Variants in PRR5 observed in about 807,000 individuals in gnomAD.
PRR5 encodes proline-rich protein 5.
A neutral mutation model predicts 30.6 loss-of-function variants in PRR5; 25 were observed. That is an observed-to-expected ratio of 0.82 (90% CI 0.60 to 1.14). PRR5 has a LOEUF of 1.14. Among genes scored for constraint, PRR5 ranks in the 50% most tolerant of loss-of-function variants. PRR5 has a pLI of 0.00. For synonymous variants in PRR5, 286 were observed against 247.1 expected (o/e 1.16, Z -1.48); for missense variants, 600 against 547.1 (o/e 1.10, Z -0.96).
At chr22:44,669,846 C>T (rs916296368) in intron 1 of PRR5, among the ~76,000 whole-genome samples, 19 of 152,084 alleles carry the variant, frequency 1.2e-4, no homozygotes, top group Admixed American at 3.9e-4. Flanking sequence ...GAGTCCCATT[C>T]CCTGGACTGG....
At chr22:44,719,948 C>T (rs1352111808) in intron 2 of PRR5, among the ~76,000 whole-genome samples, 1 of 152,216 alleles carries the variant, frequency 6.6e-6, no homozygotes, top group African/African-American at 2.4e-5. Context: ...TCTCTTGAGG[C>T]TGACATCCCA....
At chr22:44,736,560 G>T (rs1409173882) in intron 7 of PRR5, among the ~76,000 whole-genome samples, 2 of 152,232 alleles carry the variant, frequency 1.3e-5, no homozygotes, top group African/African-American at 4.8e-5. Flanking sequence ...GAGGTCCTGT[G>T]TGACCAGGCT....
chr22:44,681,511 C>T (rs558624841), intron 1 of PRR5, among the ~76,000 whole-genome samples: 1 of 151,704 alleles, frequency 6.6e-6, no homozygotes, highest in African/African-American at 2.4e-5. Flanking sequence ...TCGCTTGAAA[C>T]CGGAAGGCAG....
At chr22:44,725,381 C>A in intron 3 of PRR5, 89 bp downstream of exon 3, 2 of 1,566,976 alleles carry the variant, frequency 1.3e-6, no homozygotes, top group Non-Finnish European at 1.7e-6. Context: ...GGGTGTGGAG[C>A]GCCGGCTCCC....
intron 1 of PRR5, among the ~76,000 whole-genome samples, chr22:44,709,452 G>A (rs1927801555): frequency 6.6e-6 from 1 of 152,126 alleles, no homozygotes. Context: ...AAAGAATGTG[G>A]GCACCTCTGG....
chr22:44,726,072 A>G (rs1473931650), intron 3 of PRR5, among the ~76,000 whole-genome samples: 2 of 152,144 alleles, frequency 1.3e-5, no homozygotes, highest in African/African-American at 4.8e-5. Context: ...CCAGTGCTTC[A>G]TTTCTTTGTG....
At chr22:44,670,959 C>T (rs1285505693) in intron 1 of PRR5, among the ~76,000 whole-genome samples, 2 of 152,186 alleles carry the variant, frequency 1.3e-5, no homozygotes, top group Non-Finnish European at 2.9e-5. Context: ...TCGTGAGACT[C>T]CCATAGAGGA....
intron 1 of PRR5, among the ~76,000 whole-genome samples, chr22:44,689,012 T>C (rs184773296): frequency 1.3e-5 from 2 of 152,158 alleles, no homozygotes; most frequent in African/African-American, 4.8e-5. Context: ...TTAAGGAGAA[T>C]TGTAATATTA....
At chr22:44,720,561 A>G (rs13053787) in intron 2 of PRR5, among the ~76,000 whole-genome samples, 62,747 of 152,058 alleles carry the variant, frequency 0.41, 13,425 homozygotes, top group East Asian at 0.55. Context: ...TGCCAAGTGG[A>G]AGTTGCCCGT....
intron 7 of PRR5, among the ~76,000 whole-genome samples, chr22:44,735,791 A>AG (rs1276705830): frequency 6.6e-6 from 1 of 152,196 alleles, no homozygotes; most frequent in Non-Finnish European, 1.5e-5. Flanking sequence ...AGCTGGGGCA[A>AG]GGCCCGCTTG....
At chr22:44,731,627 C>A in intron 4 of PRR5, 103 bp from the exon 5 acceptor site, 1 of 1,196,000 alleles carries the variant, frequency 8.4e-7, no homozygotes, top group Non-Finnish European at 1.2e-6. Flanking sequence ...GGGGCCTGAG[C>A]CCAGGCCCTC....
chr22:44,735,022 T>A lies in PRR5; in HGVS notation c.556-5T>A. On this transcript the variant is annotated splice_polypyrimidine_tract_variant and splice_region_variant and intron_variant, in intron 6 of 7. Coordinates refer to ENST00000336985, the MANE Select transcript of PRR5 (RefSeq NM_181333.4). The stretch of plus-strand genomic sequence containing the variant: ...CCCCCTACCCCCTGCCCCACTCTCC[T>A]GCAGGGGGTACATGAGTCCAGGGGC... 1 of 1,611,650 alleles carries A rather than the reference T, an allele frequency of 6.2e-7. No individual in the cohort carries two copies. Among genetic ancestry groups the A allele is most frequent in the Non-Finnish European group, 8.5e-7 (1 of 1,178,900 alleles).
intron 2 of PRR5, among the ~76,000 whole-genome samples, chr22:44,721,410 C>G (rs1271593093): frequency 6.6e-6 from 1 of 152,140 alleles, no homozygotes; most frequent in Non-Finnish European, 1.5e-5. Flanking sequence ...GTGAAGCACC[C>G]TATGCAAACA....
intron 6 of PRR5, 31 bp downstream of exon 6, chr22:44,732,422 G>A: frequency 6.3e-7 from 1 of 1,587,802 alleles, no homozygotes; most frequent in South Asian, 1.1e-5. Context: ...GTCGGGCATG[G>A]GGACCGTGGG....
At chr22:44,692,153 A>C (rs1232677403) in intron 1 of PRR5, among the ~76,000 whole-genome samples, 1 of 150,926 alleles carries the variant, frequency 6.6e-6, no homozygotes, top group Non-Finnish European at 1.5e-5. Context: ...CCAAGCCCAC[A>C]CCCGTCTCCT....
Position 44,726,632 on chromosome 22 carries a change from AGG to A in PRR5, c.322_322+1del, listed in dbSNP as rs1206576812. On this transcript the variant is annotated frameshift_variant and splice_region_variant, in exon 4 of 8. Transcript: ENST00000336985. LOFTEE classifies it high-confidence loss of function. Reference sequence around the variant, plus strand: ...CTTCGGGACAAGATTCGCTTCTATGAGGGTGAGTGTGGGCCCCTTGGCGGCCA... The same window carrying A: ...CTTCGGGACAAGATTCGCTTCTATGAGTGAGTGTGGGCCCCTTGGCGGCCA... The A allele has an allele frequency of 1.2e-6, 2 of 1,613,960 alleles. No homozygotes were observed. The highest frequency in any genetic ancestry group is 3.3e-5 in the Admixed American group (2 of 60,012).
intron 1 of PRR5, 46 bp downstream of exon 1, chr22:44,702,654 G>GA: frequency 3.2e-6 from 4 of 1,263,584 alleles, no homozygotes; most frequent in Non-Finnish European, 4.0e-6. Flanking sequence ...GGAGCCGGGG[G>GA]AGGGGACCCC....
Position 44,691,390 on chromosome 22 carries a change from G to A in PRR5, c.-10-11102G>A, listed in dbSNP as rs571906426. On this transcript the variant is annotated intron_variant, in intron 1 of 8. Transcript: ENST00000006251. This position sits in a 1 kb window ranked among gnomAD's most constrained non-coding sequence, Gnocchi z 4.4. ...GGTTGTGGTGGGGAGGCCGTGGCCC[G>A]CGCTGGGCACAGCATGTACTCAGCG... Among the ~76,000 whole-genome samples the A allele has an allele frequency of 1.1e-4, 16 of 152,272 alleles. No individual in the cohort carries two copies. The highest frequency in any genetic ancestry group is 1.9e-4 in the East Asian group (1 of 5,168).
chr22:44,688,060 C>T (rs1569068984), intron 1 of PRR5, among the ~76,000 whole-genome samples: 1 of 144,746 alleles, frequency 6.9e-6, no homozygotes, highest in Non-Finnish European at 1.5e-5. Context: ...CAGGCGTGAG[C>T]CACCGCACCC....
Sources: allele counts gnomAD v4.1 joint callset (sites outside exome capture counted in the v4.1 genomes callset), GRCh38; gene constraint gnomAD v4.1.1; non-coding constraint Gnocchi (gnomAD v3.1); transcripts MANE v1.5; gene names NCBI Gene and HGNC (gene_info 2026-07-23, HGNC 2026-07-21).